NUDCD3: variants seen among roughly 807,000 people sequenced by gnomAD.
NUDCD3 encodes NudC domain containing 3, also known as nudC domain-containing protein 3.
Under a neutral mutation model 39.7 loss-of-function variants are expected in NUDCD3, and 13 were observed. That is an observed-to-expected ratio of 0.33 (90% CI 0.21 to 0.52). The LOEUF (loss-of-function observed/expected upper bound fraction) is 0.52, where lower values mean the gene tolerates loss of function less well. NUDCD3 is among the 20% of genes least tolerant of loss of function. The probability of loss-of-function intolerance (pLI) is 0.96; values close to 1 mark genes in which losing one functional copy is unlikely to be tolerated. For synonymous variants in NUDCD3, 175 were observed against 172.4 expected (o/e 1.02, Z -0.12); for missense variants, 453 against 458.1 (o/e 0.99, Z 0.10).
chr7:44,469,556 T>A (rs185151933), intron 2 of NUDCD3, among the ~76,000 whole-genome samples: 8 of 152,318 alleles, frequency 5.3e-5, no homozygotes, highest in Admixed American at 5.2e-4. Context: ...AAGATATTTA[T>A]CTAGTCTCAA....
intron 2 of NUDCD3, among the ~76,000 whole-genome samples, chr7:44,433,600 A>G (rs11770185): frequency 0.15 from 22,770 of 152,182 alleles, 1,909 homozygotes; most frequent in Non-Finnish European, 0.19. Context: ...ATGGGCACGC[A>G]GTATATATGT....
rs111861240 is a variant in NUDCD3, at chr7:44,430,554, C to A, written c.510-2851G>T. On this transcript the variant is annotated intron_variant, in intron 2 of 5. Coordinates refer to ENST00000355451, the MANE Select transcript of NUDCD3 (RefSeq NM_015332.4). Reference sequence around the variant, plus strand: ...TTGTGAAAATATATAAATAAAATACCCACACACACACACACTCACACACAC... The same window carrying A: ...TTGTGAAAATATATAAATAAAATACACACACACACACACACTCACACACAC... 4.0e-3 allele frequency among the ~76,000 whole-genome samples: 568 copies of A among 140,806 alleles called. 2 individuals are homozygous for A. The highest frequency in any genetic ancestry group is 9.1e-3 in the African/African-American group (328 of 35,888). The allele number at this position is 140,806 out of a possible 152,430, so 92.4% of individuals were successfully genotyped here.
chr7:44,439,123 T>C (rs1799527680), intron 2 of NUDCD3, among the ~76,000 whole-genome samples: 1 of 151,818 alleles, frequency 6.6e-6, no homozygotes, highest in Admixed American at 6.6e-5. Flanking sequence ...TGAGAGCGGG[T>C]GGCCTGGGGG....
At chr7:44,402,803 G>A (rs377375647) in intron 4 of NUDCD3, 59 of 426,070 alleles carry the variant, frequency 1.4e-4, no homozygotes, top group Admixed American at 3.7e-4. Flanking sequence ...CCAGGATCAC[G>A]GGCTCACTAG....
At chr7:44,434,602 C>G (rs1281745986) in intron 2 of NUDCD3, among the ~76,000 whole-genome samples, 1 of 152,222 alleles carries the variant, frequency 6.6e-6, no homozygotes, top group Non-Finnish European at 1.5e-5. Flanking sequence ...ACCCTGCCAC[C>G]TCAGCCAGAC....
Position 44,464,287 on chromosome 7 carries a change from C to T in NUDCD3, c.509+20681G>A, listed in dbSNP as rs116936193. ...AATTAACTTCCTCCAAATAACAGTCCCTCAAAGTGACAGCAGGCCAACTAG... is the reference window on the plus strand; with the variant it reads ...AATTAACTTCCTCCAAATAACAGTCTCTCAAAGTGACAGCAGGCCAACTAG... On this transcript the variant is annotated intron_variant, in intron 2 of 5. Transcript: ENST00000355451. Among the ~76,000 whole-genome samples the T allele has an allele frequency of 4.6e-5, 7 of 151,984 alleles. No homozygotes were observed. In the East Asian group the frequency reaches 1.4e-3, roughly 29 times the overall value.
intron 2 of NUDCD3, 149 bp from the exon 3 acceptor site, chr7:44,427,852 C>T (rs1799268623): frequency 1.3e-6 from 1 of 747,682 alleles, no homozygotes; most frequent in African/African-American, 1.8e-5. Context: ...CTGCAAACTC[C>T]TCTTCTTTTC....
At chr7:44,402,142 G>A (rs1055971465) in intron 4 of NUDCD3, among the ~76,000 whole-genome samples, 6 of 152,204 alleles carry the variant, frequency 3.9e-5, no homozygotes, top group African/African-American at 1.4e-4. Context: ...AGGCAGGCAT[G>A]GGTTTGAGGT....
At chr7:44,465,153 A>G (rs989621447) in intron 2 of NUDCD3, among the ~76,000 whole-genome samples, 3 of 152,136 alleles carry the variant, frequency 2.0e-5, no homozygotes, top group Admixed American at 2.0e-4. Flanking sequence ...GAGCATTTTA[A>G]ATTTCCTTAA....
At chr7:44,447,218 A>G (rs1017438284) in intron 2 of NUDCD3, among the ~76,000 whole-genome samples, 4 of 152,252 alleles carry the variant, frequency 2.6e-5, no homozygotes, top group Non-Finnish European at 1.5e-5. Context: ...TGACAGCCAC[A>G]ACGTTCACCT....
At chr7:44,473,248 G>C (rs181910438) in intron 2 of NUDCD3, among the ~76,000 whole-genome samples, 70 of 152,266 alleles carry the variant, frequency 4.6e-4, no homozygotes, top group Non-Finnish European at 9.0e-4. Context: ...AAGGACCCAA[G>C]CATTTTATTT....
At chr7:44,395,646 C>T (rs1798609975) in intron 4 of NUDCD3, among the ~76,000 whole-genome samples, 1 of 152,192 alleles carries the variant, frequency 6.6e-6, no homozygotes, top group South Asian at 2.1e-4. Context: ...CGGTTCTGGA[C>T]ATTTCACACA....
chr7:44,414,116 A>G (rs771743298), intron 3 of NUDCD3, among the ~76,000 whole-genome samples: 6 of 152,178 alleles, frequency 3.9e-5, no homozygotes, highest in Non-Finnish European at 5.9e-5. Flanking sequence ...AATTTTTTCT[A>G]TATGAAAATG....
chr7:44,394,282 C>T (rs1798578611), intron 4 of NUDCD3, among the ~76,000 whole-genome samples: 1 of 152,234 alleles, frequency 6.6e-6, no homozygotes, highest in Non-Finnish European at 1.5e-5. Flanking sequence ...GTAAATGACG[C>T]TGCTCTGCCA....
At chr7:44,448,866 T>G (rs1342488668) in intron 2 of NUDCD3, among the ~76,000 whole-genome samples, 1 of 152,082 alleles carries the variant, frequency 6.6e-6, no homozygotes, top group East Asian at 1.9e-4. Context: ...GAAATCACAG[T>G]GATAGCATGA....
At chr7:44,433,159 G>C (rs1188463958) in intron 2 of NUDCD3, among the ~76,000 whole-genome samples, 3 of 152,188 alleles carry the variant, frequency 2.0e-5, no homozygotes, top group Admixed American at 6.5e-5. Context: ...CTGGTGCCTT[G>C]ATCTTGGACT....
chr7:44,484,729 T>C, intron 2 of NUDCD3: 1 of 450,836 alleles, frequency 2.2e-6, no homozygotes, highest in Non-Finnish European at 3.9e-6. Flanking sequence ...ATTTTGGCTC[T>C]GGATCTCAAA....
intron 4 of NUDCD3, among the ~76,000 whole-genome samples, chr7:44,398,934 G>A (rs1798672758): frequency 6.6e-6 from 1 of 152,212 alleles, no homozygotes; most frequent in Non-Finnish European, 1.5e-5. Context: ...AGTCAGCACT[G>A]TTATGAGCAA....
rs140999904 is a variant in NUDCD3, at chr7:44,476,794, C to T, written c.509+8174G>A. Reference sequence around the variant, plus strand: ...CCCCTAATCACTGAAAATGTGGGCACAGCCAGCCATAAAGGAATAACGTAA... The same window carrying T: ...CCCCTAATCACTGAAAATGTGGGCATAGCCAGCCATAAAGGAATAACGTAA... On this transcript the variant is annotated intron_variant, in intron 2 of 5. Transcript: ENST00000355451. Among the ~76,000 whole-genome samples, 346 of 152,256 alleles carry T rather than the reference C, an allele frequency of 2.3e-3. 3 individuals are homozygous for T. Among genetic ancestry groups the T allele is most frequent in the African/African-American group, 8.2e-3 (342 of 41,544 alleles).
Sources: gnomAD v4.1 joint callset for allele counts (sites outside exome capture counted in the v4.1 genomes callset) on GRCh38, gnomAD v4.1.1 for gene constraint, MANE v1.5 for transcripts, NCBI Gene and HGNC (gene_info 2026-07-23, HGNC 2026-07-21) for gene names.